The following COL4A2 variants were observed in gnomAD, a reference collection of about 807,000 sequenced individuals.
COL4A2 encodes collagen type IV alpha 2 chain, also known as collagen alpha-2(IV) chain.
Under a neutral mutation model 200.2 loss-of-function variants are expected in COL4A2, and 99 were observed. That is an observed-to-expected ratio of 0.49 (90% confidence interval 0.42 to 0.58). The LOEUF (loss-of-function observed/expected upper bound fraction) is 0.58, where lower values mean the gene tolerates loss of function less well. COL4A2 is among the 20% of genes least tolerant of loss of function. COL4A2 has a pLI of 0.00. For synonymous variants in COL4A2, 897 were observed against 900.6 expected, an observed-to-expected ratio of 1.00 and a Z score of 0.07; for missense variants, 1,950 against 2,314.1, an observed-to-expected ratio of 0.84 and a Z score of 3.23.
intron 4 of COL4A2, among the ~76,000 whole-genome samples, chr13:110,386,907 T>G (rs1878772153): frequency 6.6e-6 from 1 of 152,082 alleles, no homozygotes; most frequent in Non-Finnish European, 1.5e-5. Context: ...CACAGTTGGG[T>G]GCTAAATGAG....
At chr13:110,411,275 A>AC (rs1404552536) in intron 4 of COL4A2, among the ~76,000 whole-genome samples, 2 of 152,194 alleles carry the variant, frequency 1.3e-5, no homozygotes, top group Non-Finnish European at 2.9e-5. Context: ...TAAACAGCCA[A>AC]CCTTTTTAGC....
chr13:110,316,615 G>C (rs980027513), intron 3 of COL4A2, among the ~76,000 whole-genome samples: 2 of 152,092 alleles, frequency 1.3e-5, no homozygotes, highest in Non-Finnish European at 2.9e-5. Context: ...AGAACCTCTC[G>C]GAGCAGCTAA....
chr13:110,394,124 C>T (rs1594189205), intron 4 of COL4A2, among the ~76,000 whole-genome samples: 1 of 152,266 alleles, frequency 6.6e-6, no homozygotes, highest in African/African-American at 2.4e-5. Context: ...ATTTTTCTCA[C>T]AGGTCTTTAG....
At chr13:110,347,282 T>G (rs1876746957) in intron 3 of COL4A2, among the ~76,000 whole-genome samples, 1 of 152,170 alleles carries the variant, frequency 6.6e-6, no homozygotes, top group Admixed American at 6.5e-5. Flanking sequence ...CTCATTCATG[T>G]GTCAGGAGCT....
intron 3 of COL4A2, among the ~76,000 whole-genome samples, chr13:110,352,982 G>T (rs867089129): frequency 6.6e-6 from 1 of 152,210 alleles, no homozygotes; most frequent in Admixed American, 6.5e-5. Flanking sequence ...CTTCAGTGGG[G>T]TCAGCAGCCA....
intron 3 of COL4A2, among the ~76,000 whole-genome samples, chr13:110,324,427 G>A (rs1245323626): frequency 6.6e-6 from 1 of 152,216 alleles, no homozygotes; most frequent in Non-Finnish European, 1.5e-5. Flanking sequence ...GAGCTTGCCT[G>A]AGAAGGCACT....
rs377583957 is a variant in COL4A2, at chr13:110,481,018, T to C, written c.2758+628T>C. Reference sequence around the variant, plus strand: ...TTGCTGGAGACACACTGTTCTGTCCTTCCGTTGCTGGAGACACACAGTTCT... The same window carrying C: ...TTGCTGGAGACACACTGTTCTGTCCCTCCGTTGCTGGAGACACACAGTTCT... On this transcript the variant is annotated intron_variant, in intron 31 of 47. Transcript: ENST00000360467. 5.7e-3 allele frequency among the ~76,000 whole-genome samples: 464 copies of C among 80,880 alleles called. 11 individuals carry two copies. The highest frequency in any genetic ancestry group is 0.021 in the African/African-American group (420 of 19,820). 53.1% of individuals were successfully genotyped at this position (80,880 alleles called of 152,430 possible). A position where few individuals can be genotyped will look rare whatever the true frequency, so the allele number is the denominator to read the frequency against.
intron 27 of COL4A2, among the ~76,000 whole-genome samples, chr13:110,467,895 T>C (rs2139506476): frequency 6.6e-6 from 1 of 152,348 alleles, no homozygotes; most frequent in African/African-American, 2.4e-5. Context: ...CCACTCGGCC[T>C]GTGATGGGGC....
intron 22 of COL4A2, 144 bp from the exon 23 acceptor site, chr13:110,461,970 G>A (rs934575617): frequency 1.3e-5 from 16 of 1,226,608 alleles, no homozygotes; most frequent in Middle Eastern, 2.7e-4. Context: ...ATCCAGCATC[G>A]CAGAAAGTGC....
At chr13:110,344,287 C>G (rs1876604781) in intron 3 of COL4A2, among the ~76,000 whole-genome samples, 1 of 152,136 alleles carries the variant, frequency 6.6e-6, no homozygotes, top group Non-Finnish European at 1.5e-5. Flanking sequence ...GGAGACAGAA[C>G]AAAATCCCTC....
intron 4 of COL4A2, among the ~76,000 whole-genome samples, chr13:110,362,745 A>C (rs1391783511): frequency 6.6e-6 from 1 of 152,230 alleles, no homozygotes; most frequent in Non-Finnish European, 1.5e-5. Context: ...AGCACCACGC[A>C]ATGTAAAGGT....
chr13:110,450,544 A>G, intron 20 of COL4A2, 90 bp downstream of exon 20: 1 of 1,495,578 alleles, frequency 6.7e-7, no homozygotes, highest in Non-Finnish European at 9.1e-7. Flanking sequence ...TCTCTGCTAA[A>G]TGACTCTGGG....
chr13:110,341,216 C>A (rs1156847272), intron 3 of COL4A2, among the ~76,000 whole-genome samples: 1 of 152,214 alleles, frequency 6.6e-6, no homozygotes, highest in Non-Finnish European at 1.5e-5. Flanking sequence ...GTCATCGGGA[C>A]GACGGGCTTC....
intron 4 of COL4A2, among the ~76,000 whole-genome samples, chr13:110,417,774 A>G (rs1324014734): frequency 1.3e-5 from 2 of 152,044 alleles, no homozygotes; most frequent in Admixed American, 6.6e-5. Flanking sequence ...TTCAGCCTCA[A>G]CTGCTGCACA....
chr13:110,427,369 C>T (rs995065614), intron 6 of COL4A2, among the ~76,000 whole-genome samples: 1 of 152,102 alleles, frequency 6.6e-6, no homozygotes, highest in Non-Finnish European at 1.5e-5. Context: ...AGGCTGGTCT[C>T]GAACTCCTGG....
chr13:110,335,624 C>T (rs1419723052), intron 3 of COL4A2, among the ~76,000 whole-genome samples: 2 of 152,178 alleles, frequency 1.3e-5, no homozygotes, highest in Non-Finnish European at 2.9e-5. Context: ...ATACAGCTCC[C>T]TTGGTGCCCA....
chr13:110,437,961 T>C (rs772246558), intron 13 of COL4A2, 41 bp from the exon 14 acceptor site: 35 of 1,567,208 alleles, frequency 2.2e-5, no homozygotes, highest in Non-Finnish European at 3.1e-5. Context: ...ATTACCATCC[T>C]CAAATTAATA....
intron 4 of COL4A2, among the ~76,000 whole-genome samples, chr13:110,404,167 T>A (rs1879478430): frequency 6.6e-6 from 1 of 152,194 alleles, no homozygotes; most frequent in Admixed American, 6.5e-5. Flanking sequence ...CAGTTACTGC[T>A]CAAAACAAAG....
intron 4 of COL4A2, among the ~76,000 whole-genome samples, chr13:110,403,055 T>G (rs1333904462): frequency 6.6e-6 from 1 of 151,456 alleles, no homozygotes; most frequent in East Asian, 2.0e-4. Flanking sequence ...ATTCTGGGCC[T>G]AAGATGGGTG....
Sources: gnomAD v4.1 joint callset for allele counts (sites outside exome capture counted in the v4.1 genomes callset) on GRCh38, gnomAD v4.1.1 for gene constraint, MANE v1.5 for transcripts, NCBI Gene and HGNC (gene_info 2026-07-23, HGNC 2026-07-21) for gene names.